The following ZFHX4 variants were observed in gnomAD, a reference collection of about 807,000 sequenced individuals.
ZFHX4 encodes zinc finger homeobox 4, also known as zinc finger homeobox protein 4.
ZFHX4 carries 56 observed loss-of-function variants against 267.6 expected under a neutral mutation model. That is an observed-to-expected ratio of 0.21 (90% CI 0.17 to 0.26). The LOEUF is 0.26. Among genes scored for constraint, ZFHX4 ranks in the 10% least tolerant of loss-of-function variants. ZFHX4 has a pLI of 1.00. For synonymous variants in ZFHX4, 1,778 were observed against 1,665.6 expected, an observed-to-expected ratio of 1.07 and a Z score of -1.64; for missense variants, 4,332 against 4,420.0, an observed-to-expected ratio of 0.98 and a Z score of 0.56.
intron 1 of ZFHX4, among the ~76,000 whole-genome samples, chr8:76,695,330 G>A (rs1221923736): frequency 6.6e-5 from 10 of 152,150 alleles, no homozygotes; most frequent in Non-Finnish European, 4.4e-5. Flanking sequence ...CGCATATATG[G>A]CCTCTGTTTT....
At chr8:76,794,254 A>C (rs1176167442) in intron 4 of ZFHX4, among the ~76,000 whole-genome samples, 1 of 152,160 alleles carries the variant, frequency 6.6e-6, no homozygotes, top group Admixed American at 6.6e-5. Context: ...TGGAAGGTTA[A>C]AATTTTATGC....
In ZFHX4 at chr8:76,704,433, G is replaced by C; in HGVS notation, c.345G>C (p.Glu115Asp). 6.2e-7 allele frequency: 1 copy of C among 1,613,986 alleles called. No individual in the cohort carries two copies. Among genetic ancestry groups the C allele is most frequent in the South Asian group, 1.1e-5 (1 of 91,076 alleles). ...TCCTGAAGGATGACAACGAGAGCGAGATCAGCGAGTTAGAGGACAGTGACG... is the reference window on the plus strand; with the variant it reads ...TCCTGAAGGATGACAACGAGAGCGACATCAGCGAGTTAGAGGACAGTGACG... ...LPVLKDDNESEISELEDSDVE... is the reference protein window; with the variant it reads ...LPVLKDDNESDISELEDSDVE... Residue 115 changes from glutamate (E) to aspartate (D), a missense_variant, in exon 2 of 11, where the codon GAG becomes GAC. Coordinates refer to ENST00000651372, the MANE Select transcript of ZFHX4 (RefSeq NM_024721.5).
At chr8:76,694,205 C>T (rs568375964) in intron 1 of ZFHX4, among the ~76,000 whole-genome samples, 4 of 152,230 alleles carry the variant, frequency 2.6e-5, no homozygotes, top group African/African-American at 2.4e-5. Flanking sequence ...TAAAGGTTGC[C>T]ATGTTTATGC....
At chr8:76,774,257 C>G (rs555843980) in intron 3 of ZFHX4, among the ~76,000 whole-genome samples, 1 of 152,082 alleles carries the variant, frequency 6.6e-6, no homozygotes, top group African/African-American at 2.4e-5. Context: ...TATGAGATTA[C>G]TAGAAAAAAA....
chr8:76,746,495 G>A (rs143952355), intron 3 of ZFHX4, among the ~76,000 whole-genome samples: 3 of 152,118 alleles, frequency 2.0e-5, no homozygotes, highest in African/African-American at 4.8e-5. Flanking sequence ...GATTCACCCC[G>A]GTGATCATTT....
chr8:76,699,022 C>T (rs932117940), intron 1 of ZFHX4, among the ~76,000 whole-genome samples: 1 of 152,126 alleles, frequency 6.6e-6, no homozygotes, highest in Non-Finnish European at 1.5e-5. Flanking sequence ...GTATAATTGT[C>T]TGGACATAGA....
intron 3 of ZFHX4, among the ~76,000 whole-genome samples, chr8:76,733,925 C>T (rs1809089220): frequency 6.6e-6 from 1 of 152,128 alleles, no homozygotes; most frequent in Admixed American, 6.6e-5. Context: ...CATTGAATGT[C>T]CTCATGCATG....
chr8:76,784,569 G>A (rs1810638535), intron 4 of ZFHX4, among the ~76,000 whole-genome samples: 2 of 151,950 alleles, frequency 1.3e-5, no homozygotes, highest in Admixed American at 1.3e-4. Flanking sequence ...AGATACCCAT[G>A]AATGACAGTC....
intron 3 of ZFHX4, among the ~76,000 whole-genome samples, chr8:76,716,619 G>A (rs765660521): frequency 3.9e-5 from 6 of 152,066 alleles, no homozygotes; most frequent in Admixed American, 2.6e-4. Context: ...TGGGAAAGTA[G>A]CCCATTTTCA....
chr8:76,749,074 TTGTC>T (rs929910309), intron 3 of ZFHX4, among the ~76,000 whole-genome samples: 2 of 152,188 alleles, frequency 1.3e-5, no homozygotes, highest in African/African-American at 4.8e-5. Flanking sequence ...AAGGAGGACT[TTGTC>T]TGGGATGAAC....
intron 6 of ZFHX4, among the ~76,000 whole-genome samples, chr8:76,846,507 AC>A (rs1812368778): frequency 6.6e-6 from 1 of 152,092 alleles, no homozygotes; most frequent in Non-Finnish European, 1.5e-5. Context: ...AGTTGTTGCA[AC>A]GGCCATGTGA....
At chr8:76,724,934 G>A (rs537442285) in intron 3 of ZFHX4, among the ~76,000 whole-genome samples, 3 of 152,112 alleles carry the variant, frequency 2.0e-5, no homozygotes, top group Non-Finnish European at 2.9e-5. Flanking sequence ...TGTTTTGGGA[G>A]TTTCACTTCA....
At chr8:76,754,092 C>T (rs539043732) in intron 3 of ZFHX4, among the ~76,000 whole-genome samples, 5 of 152,242 alleles carry the variant, frequency 3.3e-5, no homozygotes, top group African/African-American at 1.2e-4. Context: ...GTGTTATATA[C>T]AGTACTTGGC....
intron 4 of ZFHX4, among the ~76,000 whole-genome samples, chr8:76,797,799 C>T (rs771172628): frequency 1.3e-5 from 2 of 151,688 alleles, no homozygotes; most frequent in Non-Finnish European, 2.9e-5. Context: ...AGTGATGTAA[C>T]TATAAGAGGT....
intron 1 of ZFHX4, among the ~76,000 whole-genome samples, chr8:76,700,204 A>G (rs1808067254): frequency 6.6e-6 from 1 of 152,122 alleles, no homozygotes; most frequent in Non-Finnish European, 1.5e-5. Flanking sequence ...AAAATGGAGT[A>G]AATAAAGACT....
chr8:76,719,150 A>T, intron 3 of ZFHX4, among the ~76,000 whole-genome samples: 2 of 134,482 alleles, frequency 1.5e-5, no homozygotes, highest in Admixed American at 7.6e-5. Context: ...GATGAATTGC[A>T]TGTGTGTGTG....
intron 1 of ZFHX4, among the ~76,000 whole-genome samples, chr8:76,688,171 T>G (rs1807738662): frequency 6.6e-6 from 1 of 152,170 alleles, no homozygotes; most frequent in African/African-American, 2.4e-5. Flanking sequence ...TATCAGGAAT[T>G]CCCAGCACTT....
intron 4 of ZFHX4, among the ~76,000 whole-genome samples, chr8:76,831,746 AC>A (rs912162372): frequency 6.6e-6 from 1 of 152,162 alleles, no homozygotes; most frequent in Non-Finnish European, 1.5e-5. Context: ...AGGAGGTTTC[AC>A]GTGCTTTTGG....
chr8:76,860,449 A>G (rs764255126), intron 10 of ZFHX4, among the ~76,000 whole-genome samples: 83 of 152,194 alleles, frequency 5.5e-4, no homozygotes, highest in Admixed American at 2.9e-3. Flanking sequence ...GTCAACAACT[A>G]TTGCTCCATC....
Sources: gnomAD v4.1 joint callset for allele counts (sites outside exome capture counted in the v4.1 genomes callset) on GRCh38, gnomAD v4.1.1 for gene constraint, MANE v1.5 for transcripts, NCBI Gene and HGNC (gene_info 2026-07-23, HGNC 2026-07-21) for gene names.